Variants in TGDS observed in about 807,000 individuals in gnomAD.
TGDS encodes TDP-glucose 4,6-dehydratase, also known as UDP-D-glucose 4,6-dehydratase.
Under a neutral mutation model 52.3 loss-of-function variants are expected in TGDS, and 47 were observed. The observed-to-expected ratio is 0.90, with a 90% CI of 0.71 to 1.15. TGDS has a LOEUF of 1.15. Among genes scored for constraint, TGDS ranks in the 50% most tolerant of loss-of-function variants. The pLI, the probability that TGDS is intolerant of heterozygous loss-of-function variation, is 0.00. For missense variants in TGDS, 375 were observed against 418.4 expected, an observed-to-expected ratio of 0.90 and a Z score of 0.90; for synonymous variants, 115 against 136.9, an observed-to-expected ratio of 0.84 and a Z score of 1.12.
At chr13:94,587,764 G>A (rs1022581801) in intron 4 of TGDS, among the ~76,000 whole-genome samples, 1 of 152,170 alleles carries the variant, frequency 6.6e-6, no homozygotes, top group Non-Finnish European at 1.5e-5. Context: ...TTGGGAGGCT[G>A]AGGCGGGTGG....
chr13:94,592,324 G>A lies in TGDS; in HGVS notation c.154-15C>T. 2 of 1,584,430 alleles carry A rather than the reference G, an allele frequency of 1.3e-6. No homozygotes were observed. The highest frequency in any genetic ancestry group is 1.7e-6 in the Non-Finnish European group (2 of 1,170,908). ...CAGTAATCCAGCTTGAAAGAAGAGA[G>A]CACAGAAGGGGCAACACAAAAAGTG... is the stretch of plus-strand genomic sequence containing the variant. On this transcript the variant is annotated splice_polypyrimidine_tract_variant and intron_variant, in intron 2 of 11. Transcript: ENST00000261296.
In TGDS at chr13:94,577,440, G is replaced by A; in HGVS notation, c.826-11C>T. 1 of 1,549,422 alleles carries A rather than the reference G, an allele frequency of 6.5e-7. No individual in the cohort carries two copies. On this transcript the variant is annotated splice_polypyrimidine_tract_variant and intron_variant, in intron 9 of 11. Transcript: ENST00000261296. Reference sequence around the variant, plus strand: ...ATTGGTCTCTTTGATCTGTCAAAATGGAAAAAGCTTTTGAGTCAAATTATA... The same window carrying A: ...ATTGGTCTCTTTGATCTGTCAAAATAGAAAAAGCTTTTGAGTCAAATTATA...
intron 8 of TGDS, among the ~76,000 whole-genome samples, 188 bp from the exon 9 acceptor site, chr13:94,578,358 G>T (rs935055175): frequency 1.3e-5 from 1 of 77,008 alleles, no homozygotes; most frequent in African/African-American, 5.8e-5. Context: ...CTTCTGAGGG[G>T]ACTCAGTAGG....
chr13:94,587,682 T>C (rs1442104135), intron 4 of TGDS, among the ~76,000 whole-genome samples: 1 of 151,826 alleles, frequency 6.6e-6, no homozygotes, highest in African/African-American at 2.4e-5. Context: ...GTCCATGACC[T>C]TGGAGGTGGG....
chr13:94,592,213 C>T (rs567708446), intron 3 of TGDS, 28 bp downstream of exon 3: 37 of 1,533,518 alleles, frequency 2.4e-5, no homozygotes, highest in South Asian at 1.6e-4. Flanking sequence ...TAAAGAGGCA[C>T]GGTACAGTTA....
chr13:94,589,415 C>T (rs1020413287), intron 4 of TGDS, among the ~76,000 whole-genome samples: 4 of 151,540 alleles, frequency 2.6e-5, no homozygotes, highest in East Asian at 3.9e-4. Flanking sequence ...CCCGGGTTCA[C>T]GCCATTCTCC....
Position 94,580,773 on chromosome 13 carries a change from G to A in TGDS, c.555+318C>T, listed in dbSNP as rs145105560. Among the ~76,000 whole-genome samples, 3 of 152,344 alleles carry A rather than the reference G, an allele frequency of 2.0e-5. 1 individual carries two copies. Among genetic ancestry groups the A allele is most frequent in the East Asian group, 3.9e-4 (2 of 5,186 alleles). On this transcript the variant is annotated intron_variant, in intron 6 of 11. Coordinates refer to ENST00000261296, the MANE Select transcript of TGDS (RefSeq NM_014305.4). The stretch of plus-strand genomic sequence containing the variant: ...TCGGCCCTAATTTGTCCACACAATA[G>A]AGGAAATTAGTTTTTAAAATTCCAT...
In TGDS at chr13:94,581,182, T is replaced by A. The variant is rs753410304; in HGVS notation, c.464A>T (p.Asp155Val). The change falls in exon 6 of 12, where the codon GAT (aspartate) becomes GTT (valine). Residue 155 changes from aspartate (D) to valine (V), a missense_variant. Transcript: ENST00000261296. ...VYGGSLDKEFDESSPKQPTNP... is the reference protein window; with the variant it reads ...VYGGSLDKEFVESSPKQPTNP... ...TGTAGGTTGTTTGGGTGAAGATTCA[T>A]CAAATTCCTATTTTTAAAAATATAT... 3.2e-6 allele frequency: 5 copies of A among 1,567,592 alleles called. No homozygotes were observed. In the African/African-American group the frequency reaches 6.8e-5, roughly 21 times the overall value.
In TGDS at chr13:94,590,950, G is replaced by C; in HGVS notation, c.223-7C>G. 1 of 1,563,282 alleles carries C rather than the reference G, an allele frequency of 6.4e-7. No homozygotes were observed. The highest frequency in any genetic ancestry group is 1.2e-5 in the South Asian group (1 of 81,096). ...GAGAATCACATATGTCACCCTATATGAAAAAGCAAACATGAAAGGGCCTAG... is the reference window on the plus strand; with the variant it reads ...GAGAATCACATATGTCACCCTATATCAAAAAGCAAACATGAAAGGGCCTAG... On this transcript the variant is annotated splice_polypyrimidine_tract_variant and splice_region_variant and intron_variant, in intron 3 of 11. Transcript: ENST00000261296.
chr13:94,576,470 A>G (rs1422285605), intron 10 of TGDS, 59 bp from the exon 11 acceptor site: 2 of 1,174,308 alleles, frequency 1.7e-6, no homozygotes, highest in South Asian at 1.8e-5. Flanking sequence ...AAATTTAGAT[A>G]TTAGGAGATA....
At chr13:94,583,940 T>C (rs1594446882) in intron 4 of TGDS, among the ~76,000 whole-genome samples, 1 of 152,126 alleles carries the variant, frequency 6.6e-6, no homozygotes, top group East Asian at 1.9e-4. Context: ...GTCCTTAAGA[T>C]TACGATGATC....
intron 6 of TGDS, 87 bp downstream of exon 6, chr13:94,581,003 GA>G (rs1262649236): frequency 2.6e-6 from 2 of 772,420 alleles, no homozygotes; most frequent in Non-Finnish European, 3.9e-6. Flanking sequence ...AAAATATTTT[GA>G]AAAAAAGAAA....
chr13:94,594,130 G>A (rs1889295585), intron 1 of TGDS, among the ~76,000 whole-genome samples: 1 of 152,098 alleles, frequency 6.6e-6, no homozygotes, highest in Non-Finnish European at 1.5e-5. Context: ...TTTAGACTAT[G>A]CAGAAGAGAG....
At chr13:94,590,154 A>C (rs528070039) in intron 4 of TGDS, among the ~76,000 whole-genome samples, 18 of 148,344 alleles carry the variant, frequency 1.2e-4, no homozygotes, top group East Asian at 9.7e-4. Flanking sequence ...AACAAAAAAA[A>C]CTCTACATAT....
chr13:94,580,216 A>G (rs1888739515), intron 6 of TGDS, among the ~76,000 whole-genome samples: 1 of 152,226 alleles, frequency 6.6e-6, no homozygotes, highest in African/African-American at 2.4e-5. Context: ...ACAGGTTTAT[A>G]AGTCTGACTG....
chr13:94,581,560 C>T (rs1053852367), intron 5 of TGDS, among the ~76,000 whole-genome samples: 9 of 152,198 alleles, frequency 5.9e-5, no homozygotes, highest in Non-Finnish European at 1.3e-4. Context: ...GTCTGACTTA[C>T]ATTTTAAAAA....
At chr13:94,593,784 G>T in intron 2 of TGDS, 57 bp downstream of exon 2, 1 of 1,243,032 alleles carries the variant, frequency 8.0e-7, no homozygotes, top group South Asian at 1.3e-5. Flanking sequence ...AGTACTTTTA[G>T]AAAACATAAA....
In TGDS at chr13:94,596,016, G is replaced by A. The variant is rs763799035; in HGVS notation, c.86+35C>T. The stretch of plus-strand genomic sequence containing the variant: ...TGCGGGAAAAGGTAGGGGTTTCTGG[G>A]GAGCCACTGCTTGGCTAGCGGCGCC... On this transcript the variant is annotated intron_variant, in intron 1 of 11. Transcript: ENST00000261296. 6 of 1,611,816 alleles carry A rather than the reference G, an allele frequency of 3.7e-6. No homozygotes were observed. The East Asian group carries it at 1.1e-4, about 30-fold the overall frequency.
chr13:94,593,135 AGAGT>A (rs1201887727), intron 2 of TGDS, among the ~76,000 whole-genome samples: 4 of 152,150 alleles, frequency 2.6e-5, no homozygotes, highest in Non-Finnish European at 5.9e-5. Flanking sequence ...GCCTGGCAAC[AGAGT>A]GAGAGTCCAT....
Sources: gnomAD v4.1 joint callset for allele counts (sites outside exome capture counted in the v4.1 genomes callset) on GRCh38, gnomAD v4.1.1 for gene constraint, MANE v1.5 for transcripts, NCBI Gene and HGNC (gene_info 2026-07-23, HGNC 2026-07-21) for gene names.